The following UMAD1 variants were observed in gnomAD, a reference collection of about 807,000 sequenced individuals.
The protein encoded by UMAD1 is UBAP1-MVB12-associated (UMA) domain containing 1, also known as UBAP1-MVB12-associated (UMA)-domain containing protein 1.
Under a neutral mutation model 6.1 loss-of-function variants are expected in UMAD1, and 8 were observed. The observed-to-expected ratio is 1.30, with a 90% CI of 0.76 to 2.35. The LOEUF is 2.35. Among genes scored for constraint, UMAD1 ranks in the 30% most tolerant of loss-of-function variants. The pLI, the probability that UMAD1 is intolerant of heterozygous loss-of-function variation, is 0.00. For missense variants in UMAD1, 130 were observed against 78.4 expected (o/e 1.66, Z -2.49); for synonymous variants, 56 against 31.4 (o/e 1.78, Z -2.61).
intron 2 of UMAD1, among the ~76,000 whole-genome samples, chr7:7,789,160 C>T (rs1021910846): frequency 1.3e-5 from 2 of 152,084 alleles, no homozygotes; most frequent in Admixed American, 6.6e-5. Context: ...TCCTCTGACA[C>T]TGGTTATTAT....
intron 3 of UMAD1, among the ~76,000 whole-genome samples, chr7:7,844,734 A>G (rs1455189131): frequency 1.3e-5 from 2 of 152,180 alleles, no homozygotes; most frequent in Non-Finnish European, 2.9e-5. Context: ...GGCATCTACC[A>G]TCCACAGGTT....
intron 3 of UMAD1, among the ~76,000 whole-genome samples, chr7:7,815,515 AG>A (rs1345318694): frequency 6.6e-6 from 1 of 152,178 alleles, no homozygotes; most frequent in Admixed American, 6.5e-5. Flanking sequence ...GTCTCATAGA[AG>A]GTAGTTAAAG....
intron 2 of UMAD1, among the ~76,000 whole-genome samples, chr7:7,780,946 C>G (rs989161457): frequency 1.3e-5 from 2 of 152,126 alleles, no homozygotes; most frequent in African/African-American, 4.8e-5. Context: ...CAGGTTTTCA[C>G]TATTAGAAAT....
At chr7:7,657,550 C>A (rs1481001972) in intron 1 of UMAD1, among the ~76,000 whole-genome samples, 3 of 152,166 alleles carry the variant, frequency 2.0e-5, no homozygotes, top group Non-Finnish European at 4.4e-5. Context: ...GTTTTCCCAA[C>A]AGCATTTATT....
intron 2 of UMAD1, among the ~76,000 whole-genome samples, chr7:7,713,832 T>TA (rs1223292937): frequency 6.6e-6 from 1 of 152,132 alleles, no homozygotes; most frequent in African/African-American, 2.4e-5. Flanking sequence ...TTCAAAAAAT[T>TA]AAAAAAATTT....
chr7:7,689,911 A>G (rs1041865873), intron 2 of UMAD1, among the ~76,000 whole-genome samples: 10 of 152,210 alleles, frequency 6.6e-5, no homozygotes, highest in Non-Finnish European at 8.8e-5. Flanking sequence ...TGATCAGGAA[A>G]CAAGTTAAAC....
intron 2 of UMAD1, among the ~76,000 whole-genome samples, chr7:7,780,065 C>T (rs1782312840): frequency 6.6e-6 from 1 of 152,246 alleles, no homozygotes; most frequent in South Asian, 2.1e-4. Flanking sequence ...CACTGACTGG[C>T]CTGCCAAGGG....
chr7:7,767,091 T>A (rs905156665), intron 2 of UMAD1, among the ~76,000 whole-genome samples: 3 of 152,094 alleles, frequency 2.0e-5, no homozygotes, highest in Non-Finnish European at 2.9e-5. Context: ...ATCATTACTG[T>A]TTATTGTGAA....
chr7:7,646,921 A>G (rs891042443), intron 1 of UMAD1, among the ~76,000 whole-genome samples: 4 of 152,160 alleles, frequency 2.6e-5, no homozygotes, highest in African/African-American at 9.7e-5. Flanking sequence ...TTTGGGTGCA[A>G]AAACAGCCTG....
chr7:7,687,042 A>C (rs1034992835), intron 2 of UMAD1, among the ~76,000 whole-genome samples: 2 of 152,108 alleles, frequency 1.3e-5, no homozygotes, highest in African/African-American at 2.4e-5. Context: ...AGTCCTTTGA[A>C]CTTTCCTTTG....
chr7:7,799,820 A>C (rs764522425), intron 2 of UMAD1, among the ~76,000 whole-genome samples: 4 of 152,204 alleles, frequency 2.6e-5, no homozygotes, highest in Non-Finnish European at 5.9e-5. Context: ...TTGCCTCACA[A>C]ATATGTTTTT....
chr7:7,757,482 T>C (rs1781799847), intron 2 of UMAD1, among the ~76,000 whole-genome samples: 2 of 152,340 alleles, frequency 1.3e-5, no homozygotes, highest in Admixed American at 6.5e-5. Context: ...CTTTGTGCTG[T>C]GTTGCAGAAG....
chr7:7,672,389 T>C, intron 1 of UMAD1, among the ~76,000 whole-genome samples: 1 of 152,134 alleles, frequency 6.6e-6, no homozygotes, highest in Non-Finnish European at 1.5e-5. Flanking sequence ...AGCATGTGTG[T>C]ATGAGGGATG....
In UMAD1 at chr7:7,665,986, A is replaced by G. The variant is rs114112165; in HGVS notation, c.-63-7323A>G. Among the ~76,000 whole-genome samples, 346 of 152,234 alleles carry G rather than the reference A, an allele frequency of 2.3e-3. 2 individuals are homozygous for G. The highest frequency in any genetic ancestry group is 8.1e-3 in the African/African-American group (335 of 41,532). Reference sequence around the variant, plus strand: ...TTTGGTTATTAAAAAAAAAGTTGTTACAACATTTGTATACAAGTGTGGACC... The same window carrying G: ...TTTGGTTATTAAAAAAAAAGTTGTTGCAACATTTGTATACAAGTGTGGACC... On this transcript the variant is annotated intron_variant, in intron 1 of 3. Coordinates refer to ENST00000682710, the MANE Select transcript of UMAD1 (RefSeq NM_001302348.2).
intron 2 of UMAD1, among the ~76,000 whole-genome samples, chr7:7,788,118 C>T (rs1782494216): frequency 6.6e-6 from 1 of 152,162 alleles, no homozygotes; most frequent in Non-Finnish European, 1.5e-5. Context: ...ACATTATTGT[C>T]CTCATGGAAC....
At chr7:7,695,600 G>T (rs1780294197) in intron 2 of UMAD1, among the ~76,000 whole-genome samples, 1 of 152,120 alleles carries the variant, frequency 6.6e-6, no homozygotes, top group South Asian at 2.1e-4. Context: ...GTAACACATT[G>T]AATTTCTGGC....
At chr7:7,738,334 G>A (rs1230505433) in intron 2 of UMAD1, among the ~76,000 whole-genome samples, 1 of 152,140 alleles carries the variant, frequency 6.6e-6, no homozygotes, top group African/African-American at 2.4e-5. Flanking sequence ...AATCATTGCT[G>A]TATTCATCAA....
At chr7:7,667,401 C>T (rs1328827949) in intron 1 of UMAD1, among the ~76,000 whole-genome samples, 2 of 152,172 alleles carry the variant, frequency 1.3e-5, no homozygotes, top group Non-Finnish European at 2.9e-5. Context: ...AGCAAGAGTG[C>T]TTAGAGCTTA....
intron 3 of UMAD1, among the ~76,000 whole-genome samples, chr7:7,816,862 C>T (rs1783138554): frequency 6.6e-6 from 1 of 152,196 alleles, no homozygotes; most frequent in Admixed American, 6.5e-5. Flanking sequence ...TTTGTAATAG[C>T]CCTTAATGCC....
Sources: gnomAD v4.1 joint callset for allele counts (sites outside exome capture counted in the v4.1 genomes callset) on GRCh38, gnomAD v4.1.1 for gene constraint, MANE v1.5 for transcripts, NCBI Gene and HGNC (gene_info 2026-07-23, HGNC 2026-07-21) for gene names.